The following WWOX variants were observed in gnomAD, a reference collection of about 807,000 sequenced individuals.
WWOX encodes WW domain containing oxidoreductase.
In WWOX, 69 loss-of-function variants were observed where a neutral mutation model predicts 46.2. The observed-to-expected ratio is 1.49, with a 90% CI of 1.23 to 1.82. The LOEUF (loss-of-function observed/expected upper bound fraction) is 1.82. Among genes scored for constraint, WWOX ranks in the 40% most tolerant of loss-of-function variants. The pLI is 0.00. For synonymous variants in WWOX, 359 were observed against 202.6 expected, an observed-to-expected ratio of 1.77 and a Z score of -6.56; for missense variants, 919 against 542.6, an observed-to-expected ratio of 1.69 and a Z score of -6.89.
At chr16:78,801,250 C>T (rs898216729) in intron 8 of WWOX, among the ~76,000 whole-genome samples, 1 of 152,146 alleles carries the variant, frequency 6.6e-6, no homozygotes, top group African/African-American at 2.4e-5. Flanking sequence ...TGGCTCATGC[C>T]TGTAATCCCA....
intron 8 of WWOX, among the ~76,000 whole-genome samples, chr16:78,874,841 C>G (rs1029893972): frequency 6.6e-6 from 1 of 151,952 alleles, no homozygotes; most frequent in African/African-American, 2.4e-5. Context: ...GAAGTGATTT[C>G]CACTGGACTT....
intron 8 of WWOX, among the ~76,000 whole-genome samples, chr16:79,170,395 C>A (rs1394816583): frequency 6.6e-6 from 1 of 152,212 alleles, no homozygotes; most frequent in Non-Finnish European, 1.5e-5. Flanking sequence ...GCACTTTCCT[C>A]TTTTGCCTCC....
intron 4 of WWOX, among the ~76,000 whole-genome samples, chr16:78,146,794 A>G (rs2034214374): frequency 6.6e-6 from 1 of 152,204 alleles, no homozygotes; most frequent in African/African-American, 2.4e-5. Flanking sequence ...ATAACCAAAA[A>G]GGTCAAACTC....
intron 8 of WWOX, among the ~76,000 whole-genome samples, chr16:79,119,803 A>G (rs890926196): frequency 1.8e-4 from 28 of 152,298 alleles, no homozygotes; most frequent in African/African-American, 6.7e-4. Flanking sequence ...CTCATAGGGA[A>G]GACACTAGGA....
intron 5 of WWOX, among the ~76,000 whole-genome samples, chr16:78,244,798 A>G (rs1399091590): frequency 6.6e-6 from 1 of 151,984 alleles, no homozygotes; most frequent in Admixed American, 6.5e-5. Flanking sequence ...GAATTCTCAT[A>G]GGAGCAAAAA....
intron 8 of WWOX, among the ~76,000 whole-genome samples, chr16:78,721,519 G>C (rs1009985109): frequency 2.0e-5 from 3 of 152,154 alleles, no homozygotes; most frequent in Admixed American, 6.6e-5. Context: ...TTGTGGGCTG[G>C]GGGAACCAGA....
intron 6 of WWOX, among the ~76,000 whole-genome samples, chr16:78,401,439 G>C (rs929792501): frequency 6.6e-6 from 1 of 152,114 alleles, no homozygotes; most frequent in Non-Finnish European, 1.5e-5. Flanking sequence ...ATGTAGCTTT[G>C]TGTAGCCCAT....
intron 8 of WWOX, among the ~76,000 whole-genome samples, chr16:78,563,153 A>G (rs2044479419): frequency 6.6e-6 from 1 of 152,186 alleles, no homozygotes; most frequent in Admixed American, 6.5e-5. Context: ...CGATTTCTCC[A>G]AAAGGATGTC....
chr16:78,518,556 C>T (rs1033012851), intron 8 of WWOX, among the ~76,000 whole-genome samples: 9 of 152,104 alleles, frequency 5.9e-5, no homozygotes, highest in Non-Finnish European at 1.2e-4. Flanking sequence ...ACTCACAGCT[C>T]CCTTAGGAGT....
At chr16:78,428,151 G>C (rs980378724) in intron 7 of WWOX, among the ~76,000 whole-genome samples, 1 of 152,216 alleles carries the variant, frequency 6.6e-6, no homozygotes, top group African/African-American at 2.4e-5. Flanking sequence ...CCCCTACAAA[G>C]CAAGTGTTAC....
At chr16:79,053,442 A>C (rs149490530) in intron 8 of WWOX, among the ~76,000 whole-genome samples, 1 of 152,210 alleles carries the variant, frequency 6.6e-6, no homozygotes, top group Non-Finnish European at 1.5e-5. Context: ...TGAATATCCA[A>C]TTCAATTTGT....
At chr16:78,685,466 C>T (rs1158556354) in intron 8 of WWOX, among the ~76,000 whole-genome samples, 7 of 152,172 alleles carry the variant, frequency 4.6e-5, no homozygotes, top group Non-Finnish European at 1.0e-4. Flanking sequence ...TATAAATCTT[C>T]ACCTAGCATG....
At chr16:79,122,679 C>T (rs1044321516) in intron 8 of WWOX, among the ~76,000 whole-genome samples, 2 of 151,918 alleles carry the variant, frequency 1.3e-5, no homozygotes, top group Non-Finnish European at 2.9e-5. Flanking sequence ...TTTGGGTCTG[C>T]TCGCAGGAAA....
At chr16:78,359,178 C>A (rs1210469891) in intron 5 of WWOX, among the ~76,000 whole-genome samples, 1 of 152,128 alleles carries the variant, frequency 6.6e-6, no homozygotes, top group African/African-American at 2.4e-5. Context: ...ATGTATTTGT[C>A]ATTTTATAGT....
chr16:78,191,503 T>G (rs192911918), intron 5 of WWOX, among the ~76,000 whole-genome samples: 2 of 152,336 alleles, frequency 1.3e-5, no homozygotes, highest in African/African-American at 4.8e-5. Context: ...TTTTAGGAAG[T>G]TGCATTTAAA....
At chr16:78,454,803 TTTG>T (rs1308472712) in intron 8 of WWOX, among the ~76,000 whole-genome samples, 1 of 152,184 alleles carries the variant, frequency 6.6e-6, no homozygotes, top group Non-Finnish European at 1.5e-5. Context: ...ACCTGTGTTT[TTTG>T]TTTTGTTTTT....
intron 8 of WWOX, among the ~76,000 whole-genome samples, chr16:79,073,149 C>CGTT (rs1555522761): frequency 3.2e-5 from 3 of 92,606 alleles, no homozygotes; most frequent in Non-Finnish European, 4.3e-5. Flanking sequence ...AGTAGTTATT[C>CGTT]GTTATTATTA....
At chr16:78,563,507 A>G (rs1328333412) in intron 8 of WWOX, among the ~76,000 whole-genome samples, 6 of 142,202 alleles carry the variant, frequency 4.2e-5, no homozygotes, top group Non-Finnish European at 7.5e-5. Context: ...ACACACACAC[A>G]CACACACACG....
intron 8 of WWOX, among the ~76,000 whole-genome samples, chr16:78,505,991 A>G (rs2085193359): frequency 6.6e-6 from 1 of 152,208 alleles, no homozygotes; most frequent in African/African-American, 2.4e-5. Context: ...TGATCCGGCA[A>G]GAAGACACAC....
Sources: allele counts gnomAD v4.1 joint callset (sites outside exome capture counted in the v4.1 genomes callset), GRCh38; gene constraint gnomAD v4.1.1; transcripts MANE v1.5; gene names NCBI Gene and HGNC (gene_info 2026-07-23, HGNC 2026-07-21).